VSIG2: variants seen among roughly 807,000 people sequenced by gnomAD.
VSIG2 encodes V-set and immunoglobulin domain containing 2.
VSIG2 carries 30 observed loss-of-function variants against 29.4 expected under a neutral mutation model. That is an observed-to-expected ratio of 1.02 (90% CI 0.76 to 1.38). The LOEUF is 1.38. VSIG2 is among the 40% of genes most tolerant of loss of function. The pLI, the probability that VSIG2 is intolerant of heterozygous loss-of-function variation, is 0.00. For synonymous variants in VSIG2, 178 were observed against 174.2 expected (o/e 1.02, Z -0.17); for missense variants, 421 against 400.8 (o/e 1.05, Z -0.43).
rs1301370201 is a variant in VSIG2 at position 124,748,660 on chromosome 11, C to T, written c.690G>A (p.Leu230=). Residue 230 remains leucine (L), a synonymous_variant, in exon 5 of 7, where the codon CTG becomes CTA. Transcript: ENST00000326621. ...CATCCCTACCGGTCACAGAGAGGGT[C>T]AGCTCACAGGATGCACTGCCCATCT... is the stretch of plus-strand genomic sequence containing the variant. The part of the protein sequence containing the change: ...TNQMGSASCE[L]TLSVTEPSQG... 6 of 1,613,396 alleles carry T rather than the reference C, an allele frequency of 3.7e-6. No homozygotes were observed. The highest frequency in any genetic ancestry group is 1.3e-5 in the African/African-American group (1 of 74,928).
At chr11:124,751,683 C>T (rs780349623) in intron 1 of VSIG2, 103 bp from the exon 2 acceptor site, 159 of 1,249,290 alleles carry the variant, frequency 1.3e-4, no homozygotes, top group Non-Finnish European at 1.6e-4. Context: ...GCTCCCTCCC[C>T]AGAGCACAAC....
intron 3 of VSIG2, 26 bp from the exon 4 acceptor site, chr11:124,749,892 A>C (rs1043901843): frequency 3.1e-5 from 47 of 1,531,586 alleles, no homozygotes; most frequent in Admixed American, 1.1e-4. Context: ...AAAAAAAAAA[A>C]AAACAGAAAG....
In VSIG2 at chr11:124,751,712, C is replaced by A. The variant is rs975191446; in HGVS notation, c.62-132G>T. 2.0e-5 allele frequency: 21 copies of A among 1,047,670 alleles called. No homozygotes were observed. In the African/African-American group the frequency reaches 2.9e-4, roughly 14 times the overall value. 64.9% of individuals were successfully genotyped at this position (1,047,670 alleles called of 1,614,324 possible). On this transcript the variant is annotated intron_variant, in intron 1 of 6. Transcript: ENST00000326621. Reference sequence around the variant, plus strand: ...GCACAACCCTCTCCCCTCAATCCAACCCCTCCCTTCCCAAAACCTGAGGTT... The same window carrying A: ...GCACAACCCTCTCCCCTCAATCCAAACCCTCCCTTCCCAAAACCTGAGGTT...
In VSIG2 at chr11:124,749,874, A is replaced by AAAAAAAAAAAC. The variant is rs1944062424; in HGVS notation, c.428-9_428-8insGTTTTTTTTTT. On this transcript the variant is annotated splice_polypyrimidine_tract_variant and intron_variant, in intron 3 of 6. Transcript: ENST00000326621. ...AGGGATTACTGGGGGGAACTGCAAA[A>AAAAAAAAAAAC]AAAAAAAAAAAAAAAAAAAAACAGA... 4 of 1,289,464 alleles carry AAAAAAAAAAAC rather than the reference A, an allele frequency of 3.1e-6. No individual in the cohort carries two copies. Among genetic ancestry groups the AAAAAAAAAAAC allele is most frequent in the East Asian group, 6.9e-5 (2 of 28,966 alleles). 79.9% of individuals were successfully genotyped at this position (1,289,464 alleles called of 1,614,324 possible).
In VSIG2 at chr11:124,747,545, A is replaced by G; in HGVS notation, c.974T>C (p.Met325Thr). The G allele has an allele frequency of 6.2e-7, 1 of 1,612,704 alleles. No homozygotes were observed. The highest frequency in any genetic ancestry group is 8.5e-7 in the Non-Finnish European group (1 of 1,179,502). ...AGGGATCGGGAGAAGTCACACGACC[A>G]TAGGGAGCTTGGACTTGGTGGTCGT... ...TVTTTKSKLPMVV is the reference protein window; with the variant it reads ...TVTTTKSKLPTVV The change falls in exon 7 of 7, where the codon ATG becomes ACG. Residue 325 changes from methionine (M) to threonine (T), a missense_variant. Transcript: ENST00000326621.
intron 3 of VSIG2, 22 bp from the exon 4 acceptor site, chr11:124,749,888 A>AAAAAAAAC (rs775065284): frequency 1.3e-6 from 2 of 1,536,478 alleles, no homozygotes; most frequent in South Asian, 1.2e-5. Flanking sequence ...AAAAAAAAAA[A>AAAAAAAAC]AAAAAAACAG....
rs758905045 is a variant in VSIG2, at chr11:124,752,081, C to T, written c.57G>A (p.Leu19=). 1.9e-6 allele frequency: 3 copies of T among 1,606,688 alleles called. No individual in the cohort carries two copies. The highest frequency in any genetic ancestry group is 1.1e-5 in the South Asian group (1 of 90,744). ...LCGALLGFLC[L]SGLAVEVKVP... ...TCCCGCCCGGCCCCTCCTCACCACT[C>T]AGGCACAGGAAGCCTAGCAGGGCCC... The change falls in exon 1 of 7, where the codon CTG becomes CTA. Residue 19 remains leucine, a synonymous_variant. Coordinates refer to ENST00000326621, the MANE Select transcript of VSIG2 (RefSeq NM_014312.5).
intron 6 of VSIG2, 169 bp downstream of exon 6, chr11:124,748,221 C>A: frequency 1.3e-6 from 1 of 752,336 alleles, no homozygotes; most frequent in Non-Finnish European, 2.1e-6. Flanking sequence ...CTTGCCTGTA[C>A]CCTCAAATAC....
intron 1 of VSIG2, among the ~76,000 whole-genome samples, chr11:124,751,787 G>T (rs1944089847): frequency 6.6e-6 from 1 of 152,250 alleles, no homozygotes; most frequent in Non-Finnish European, 1.5e-5. Flanking sequence ...ACCGGGCCAG[G>T]TAAGAGGGTG....
Position 124,750,834 on chromosome 11 carries a change from C to A in VSIG2, c.307G>T (p.Val103Leu), listed in dbSNP as rs773758090. 7.4e-6 allele frequency: 12 copies of A among 1,613,954 alleles called. No homozygotes were observed. The highest frequency in any genetic ancestry group is 1.0e-5 in the Non-Finnish European group (12 of 1,180,010). The change falls in exon 3 of 7, where the codon GTG (valine) becomes TTG (leucine). Residue 103 changes from valine (V) to leucine (L), a missense_variant. Transcript: ENST00000326621. The part of the protein sequence containing the change: ...SLLQNPPTVG[V>L]ATLKLTDVHP... ...ACGTCAGTCAGTTTCAGTGTGGCCA[C>A]CCCCACTGTGGGGGGGTTCTGAAGC... is the stretch of plus-strand genomic sequence containing the variant.
At position 124,749,101 on chromosome 11, in the gene VSIG2, G is replaced by T. The variant is rs115866887; in HGVS notation, c.587-338C>A. The stretch of plus-strand genomic sequence containing the variant: ...TCAGGTTCCTGGTTTGGGGTAAAAG[G>T]CTTGATTGCTAGAAACTGCATCCTG... On this transcript the variant is annotated intron_variant, in intron 4 of 6. Coordinates refer to ENST00000326621, the MANE Select transcript of VSIG2 (RefSeq NM_014312.5). 8.8e-3 allele frequency among the ~76,000 whole-genome samples: 1,344 copies of T among 152,294 alleles called. 20 individuals carry two copies. The highest frequency in any genetic ancestry group is 0.031 in the African/African-American group (1,269 of 41,544).
Position 124,752,230 on chromosome 11 carries a change from CGCCCGGGCTGGGCAGGA to C in VSIG2, c.-110_-94del. 2 of 1,352,744 alleles carry C rather than the reference CGCCCGGGCTGGGCAGGA, an allele frequency of 1.5e-6. No individual in the cohort carries two copies. The highest frequency in any genetic ancestry group is 2.0e-6 in the Non-Finnish European group (2 of 1,016,782). The allele number at this position is 1,352,744 out of a possible 1,614,324, so 83.8% of individuals were successfully genotyped here. A position where few individuals can be genotyped will look rare whatever the true frequency, so the allele number is the denominator to read the frequency against. ...AGGGAAGGGAGCACCCAAGGGCAGC[CGCCCGGGCTGGGCAGGA>C]GCGAGACTGGTATCTCAGAGCAAAC... On this transcript the variant is annotated 5_prime_UTR_variant, in exon 1 of 7. Transcript: ENST00000326621.
At position 124,748,379 on chromosome 11, in the gene VSIG2, C is replaced by T; in HGVS notation, c.851+11G>A. On this transcript the variant is annotated intron_variant, in intron 6 of 6. Coordinates refer to ENST00000326621, the MANE Select transcript of VSIG2 (RefSeq NM_014312.5). ...TCCCTCCTTGCGCCACCCCCCAGCC[C>T]TCCTGCTCACCGAAGGTCACTACCC... 1 of 1,600,456 alleles carries T rather than the reference C, an allele frequency of 6.2e-7. No individual in the cohort carries two copies. Among genetic ancestry groups the T allele is most frequent in the Non-Finnish European group, 8.5e-7 (1 of 1,173,662 alleles).
rs1555108848 is a variant in VSIG2, at chr11:124,749,885, A to AACAAAAAAAAAACC, written c.428-20_428-19insGGTTTTTTTTTTGT. 7.8e-7 allele frequency: 1 copy of AACAAAAAAAAAACC among 1,285,120 alleles called. No homozygotes were observed. Among genetic ancestry groups the AACAAAAAAAAAACC allele is most frequent in the Non-Finnish European group, 1.0e-6 (1 of 963,252 alleles). The allele number at this position is 1,285,120 out of a possible 1,614,324, so 79.6% of individuals were successfully genotyped here. Reference sequence around the variant, plus strand: ...GGGGGAACTGCAAAAAAAAAAAAAAAAAAAAAAAAACAGAAAGTTCCTCAG... The same window carrying AACAAAAAAAAAACC: ...GGGGGAACTGCAAAAAAAAAAAAAAAACAAAAAAAAAACCAAAAAAAAAACAGAAAGTTCCTCAG... On this transcript the variant is annotated intron_variant, in intron 3 of 6. Transcript: ENST00000326621.
intron 4 of VSIG2, 141 bp from the exon 5 acceptor site, chr11:124,748,904 G>C: frequency 8.3e-7 from 1 of 1,202,730 alleles, no homozygotes; most frequent in South Asian, 1.4e-5. Flanking sequence ...AACCGGTTCA[G>C]AAGAAGGAAG....
chr11:124,751,049 G>T, intron 2 of VSIG2, 128 bp from the exon 3 acceptor site: 1 of 956,384 alleles, frequency 1.0e-6, no homozygotes, highest in Non-Finnish European at 1.5e-6. Context: ...ATACCCTTAA[G>T]CTGGAACTCC....
intron 4 of VSIG2, 71 bp downstream of exon 4, chr11:124,749,637 G>GGT (rs1944056129): frequency 1.3e-6 from 2 of 1,561,412 alleles, no homozygotes. Flanking sequence ...GGATAATACG[G>GGT]GTGTGTGGGA....
chr11:124,750,489 ACT>A (rs1341301395), intron 3 of VSIG2, among the ~76,000 whole-genome samples: 2 of 148,264 alleles, frequency 1.3e-5, no homozygotes, highest in Non-Finnish European at 3.0e-5. Context: ...TCTCTCACAC[ACT>A]CTGTTATTAG....
intron 2 of VSIG2, 151 bp downstream of exon 2, chr11:124,751,272 G>C (rs1944082423): frequency 1.1e-6 from 1 of 912,110 alleles, no homozygotes; most frequent in African/African-American, 1.7e-5. Flanking sequence ...CGGTCAGGCA[G>C]ACTGCAGCTC....
Sources: allele counts gnomAD v4.1 joint callset (sites outside exome capture counted in the v4.1 genomes callset), GRCh38; gene constraint gnomAD v4.1.1; transcripts MANE v1.5; gene names NCBI Gene and HGNC (gene_info 2026-07-23, HGNC 2026-07-21).